The following SBF2 variants were observed in gnomAD, a reference collection of about 807,000 sequenced individuals.
SBF2 encodes the protein myotubularin-related protein 13.
SBF2 carries 112 observed loss-of-function variants against 225.2 expected under a neutral mutation model. The ratio of observed to expected loss-of-function variants is 0.50; its 90% CI spans 0.43 to 0.58. SBF2 has a LOEUF of 0.58. Ranked by LOEUF, SBF2 falls within the 20% of genes least tolerant of loss-of-function variation. The pLI, the probability that SBF2 is intolerant of heterozygous loss-of-function variation, is 0.00. For missense variants in SBF2, 1,996 were observed against 2,206.2 expected (o/e 0.90, Z 1.91); for synonymous variants, 763 against 773.3 (o/e 0.99, Z 0.22).
At position 10,130,059 on chromosome 11, in the gene SBF2, A is replaced by G. The variant is rs186584273; in HGVS notation, c.141+63843T>C. 6.2e-4 allele frequency among the ~76,000 whole-genome samples: 95 copies of G among 152,146 alleles called. 1 individual carries two copies. The highest frequency in any genetic ancestry group is 2.2e-3 in the African/African-American group (91 of 41,508). ...AAAAAGGGACTGGAAAACTTAAAATAGTCTTAAATTTCAATACACCTCGCC... is the reference window on the plus strand; with the variant it reads ...AAAAAGGGACTGGAAAACTTAAAATGGTCTTAAATTTCAATACACCTCGCC... On this transcript the variant is annotated intron_variant, in intron 2 of 39. Coordinates refer to ENST00000256190, the MANE Select transcript of SBF2 (RefSeq NM_030962.4).
rs549544654 is a variant in SBF2 at position 9,936,183 on chromosome 11, C to T, written c.1860+25774G>A. Among the ~76,000 whole-genome samples, 10 of 152,294 alleles carry T rather than the reference C, an allele frequency of 6.6e-5. No individual in the cohort carries two copies. In the South Asian group the frequency reaches 2.1e-3, roughly 32 times the overall value. ...TTCTCAAAAGAAGACGTTTATGCAG[C>T]CAACAGACTTATGAAAGAATGCTCA... On this transcript the variant is annotated intron_variant, in intron 16 of 39. Transcript: ENST00000256190.
chr11:10,165,304 C>G (rs1340923804), intron 2 of SBF2, among the ~76,000 whole-genome samples: 1 of 152,154 alleles, frequency 6.6e-6, no homozygotes, highest in Admixed American at 6.5e-5. Context: ...GTATTTGAAG[C>G]TTGCCACAGA....
At chr11:10,191,238 C>T (rs774476266) in intron 2 of SBF2, among the ~76,000 whole-genome samples, 27 of 152,132 alleles carry the variant, frequency 1.8e-4, no homozygotes, top group Non-Finnish European at 3.5e-4. Context: ...AGATCACCTT[C>T]AATTAGACTA....
Position 9,781,541 on chromosome 11 carries a change from G to T in SBF2, c.5417C>A (p.Ala1806Asp). The T allele has an allele frequency of 6.2e-7, 1 of 1,614,196 alleles. No homozygotes were observed. The highest frequency in any genetic ancestry group is 8.5e-7 in the Non-Finnish European group (1 of 1,180,034). The change falls in exon 39 of 40, where the codon GCC becomes GAC. Residue 1806 changes from alanine to aspartate, a missense_variant. Coordinates refer to ENST00000256190, the MANE Select transcript of SBF2 (RefSeq NM_030962.4). ...MVIPAGPSMG[A>D]PKHTSDKAFF... ...AGCCTTGTCACTTGTGTGCTTTGGG[G>T]CTCCCATGCTGGGGCCAGCAGGGAT... is the stretch of plus-strand genomic sequence containing the variant.
intron 16 of SBF2, among the ~76,000 whole-genome samples, chr11:9,935,827 A>T (rs1489924135): frequency 6.6e-6 from 1 of 152,216 alleles, no homozygotes; most frequent in Non-Finnish European, 1.5e-5. Flanking sequence ...TAAAGACTTA[A>T]ATGTTAGACC....
chr11:9,833,471 A>C (rs1401561527), intron 26 of SBF2, among the ~76,000 whole-genome samples: 2 of 139,832 alleles, frequency 1.4e-5, no homozygotes, highest in Non-Finnish European at 3.0e-5. Context: ...CCCAGGCTGG[A>C]GTGCAGTGGC....
chr11:10,164,031 C>T (rs1477324962), intron 2 of SBF2, among the ~76,000 whole-genome samples: 3 of 152,196 alleles, frequency 2.0e-5, no homozygotes, highest in African/African-American at 7.2e-5. Context: ...GTGCTTCTCT[C>T]CCAGTTATCC....
intron 1 of SBF2, among the ~76,000 whole-genome samples, chr11:10,252,694 C>G (rs1209705958): frequency 6.6e-6 from 1 of 152,022 alleles, no homozygotes; most frequent in Non-Finnish European, 1.5e-5. Flanking sequence ...CCTGTAGTCC[C>G]AGCTACTTGG....
chr11:9,804,087 A>G (rs965175257), intron 32 of SBF2, among the ~76,000 whole-genome samples: 6 of 152,160 alleles, frequency 3.9e-5, no homozygotes, highest in Admixed American at 3.3e-4. Flanking sequence ...CCATGTAGTC[A>G]TATGATTACC....
chr11:10,248,266 G>C (rs1015279902), intron 1 of SBF2, among the ~76,000 whole-genome samples: 3 of 152,176 alleles, frequency 2.0e-5, no homozygotes, highest in African/African-American at 7.2e-5. Flanking sequence ...GGGATGTTTA[G>C]GACAAGTCAA....
At chr11:10,193,880 C>CAA (rs752424424) in intron 2 of SBF2, 22 bp downstream of exon 2, 1 of 1,470,558 alleles carries the variant, frequency 6.8e-7, no homozygotes, top group Non-Finnish European at 9.5e-7. Context: ...TATAAATATG[C>CAA]AATAATACAA....
At position 10,014,185 on chromosome 11, in the gene SBF2, T is replaced by A. The variant is rs183059595; in HGVS notation, c.620-11496A>T. Among the ~76,000 whole-genome samples the A allele has an allele frequency of 2.6e-4, 40 of 152,310 alleles. No homozygotes were observed. In the Middle Eastern group the frequency reaches 0.01, roughly 39 times the overall value. ...TTTAGGTGTTAGGGCATGTGTTAGA[T>A]CATTTCTACTGGGGTGACTTTGCTT... On this transcript the variant is annotated intron_variant, in intron 6 of 39. Coordinates refer to ENST00000256190, the MANE Select transcript of SBF2 (RefSeq NM_030962.4).
chr11:10,122,856 T>C (rs1051608387), intron 2 of SBF2, among the ~76,000 whole-genome samples: 6 of 152,200 alleles, frequency 3.9e-5, no homozygotes, highest in African/African-American at 1.4e-4. Flanking sequence ...ATTACAAGAA[T>C]TGAAACTCTA....
intron 2 of SBF2, among the ~76,000 whole-genome samples, chr11:10,168,795 C>G (rs759914344): frequency 3.9e-5 from 6 of 152,120 alleles, no homozygotes; most frequent in South Asian, 2.1e-4. Flanking sequence ...AGGGTTCCAC[C>G]TCATCTTTTT....
At chr11:10,011,851 C>T (rs1948472871) in intron 6 of SBF2, among the ~76,000 whole-genome samples, 1 of 152,126 alleles carries the variant, frequency 6.6e-6, no homozygotes, top group Non-Finnish European at 1.5e-5. Context: ...TTAACTTGGG[C>T]TTCATTGTGC....
At chr11:9,999,143 T>C (rs1244594681) in intron 8 of SBF2, among the ~76,000 whole-genome samples, 2 of 152,190 alleles carry the variant, frequency 1.3e-5, no homozygotes, top group Non-Finnish European at 1.5e-5. Context: ...AGTTGTTATA[T>C]TGACAATATT....
Position 10,211,359 on chromosome 11 carries a change from T to G in SBF2, c.56-17372A>C, listed in dbSNP as rs186856370. Among the ~76,000 whole-genome samples, 281 of 152,314 alleles carry G rather than the reference T, an allele frequency of 1.8e-3. 1 individual carries two copies. The highest frequency in any genetic ancestry group is 6.2e-3 in the African/African-American group (259 of 41,580). On this transcript the variant is annotated intron_variant, in intron 1 of 39. Coordinates refer to ENST00000256190, the MANE Select transcript of SBF2 (RefSeq NM_030962.4). ...AACAGTACACTTAAAATTTAGTATA[T>G]CCTGACTTCAAACCCAGAGAGACCC...
In SBF2 at chr11:9,877,340, T is replaced by A. The variant is rs182569346; in HGVS notation, c.1929+18603A>T. 6.3e-3 allele frequency among the ~76,000 whole-genome samples: 964 copies of A among 152,328 alleles called. 9 individuals are homozygous for A. The highest frequency in any genetic ancestry group is 0.024 in the Middle Eastern group (7 of 294). On this transcript the variant is annotated intron_variant, in intron 17 of 39. Transcript: ENST00000256190. ...TATGCTCATTAAGAGATAATATTTT[T>A]AAAATGCCAACAATTAGGTTTTAAA...
intron 3 of SBF2, 40 bp from the exon 4 acceptor site, chr11:10,031,210 T>G (rs775497131): frequency 6.2e-7 from 1 of 1,606,004 alleles, no homozygotes; most frequent in Admixed American, 1.7e-5. Flanking sequence ...CAGAAGGGAT[T>G]TCCTAGGTTC....
Sources: allele counts gnomAD v4.1 joint callset (sites outside exome capture counted in the v4.1 genomes callset), GRCh38; gene constraint gnomAD v4.1.1; transcripts MANE v1.5; gene names NCBI Gene and HGNC (gene_info 2026-07-23, HGNC 2026-07-21).